GLMN: variants seen among roughly 807,000 people sequenced by gnomAD.
GLMN encodes the protein glomulin, FKBP associated protein, also known as glomulin.
GLMN carries 75 observed loss-of-function variants against 87.8 expected under a neutral mutation model. The ratio of observed to expected loss-of-function variants is 0.85; its 90% CI spans 0.71 to 1.04. GLMN has a LOEUF of 1.04. Among genes scored for constraint, GLMN ranks in the 50% least tolerant of loss-of-function variants. The probability of loss-of-function intolerance (pLI) is 0.00; values close to 1 mark genes in which losing one functional copy is unlikely to be tolerated. For synonymous variants in GLMN, 206 were observed against 221.6 expected, an observed-to-expected ratio of 0.93 and a Z score of 0.63; for missense variants, 588 against 658.8, an observed-to-expected ratio of 0.89 and a Z score of 1.18.
chr1:92,271,352 T>C, intron 8 of GLMN, 113 bp downstream of exon 8: 1 of 808,842 alleles, frequency 1.2e-6, no homozygotes, highest in South Asian at 1.4e-5. Context: ...TAGCCTTTAC[T>C]ATTTATTTAA....
chr1:92,345,113 G>C, the GLMN span, among the ~76,000 whole-genome samples: 2 of 151,920 alleles, frequency 1.3e-5, no homozygotes, highest in Non-Finnish European at 2.9e-5. Context: ...TCTCATTTCT[G>C]TAAATTATGC....
chr1:92,307,699 T>C, the GLMN span, among the ~76,000 whole-genome samples: 1 of 149,364 alleles, frequency 6.7e-6, no homozygotes, highest in Non-Finnish European at 1.5e-5. Context: ...CACTATTTTA[T>C]CAATTTAAAG....
the GLMN span, chr1:92,363,849 A>C: frequency 5.0e-6 from 1 of 199,954 alleles, no homozygotes; most frequent in Non-Finnish European, 1.1e-5. Flanking sequence ...GATCTAATAC[A>C]TATCCTTACA....
intron 7 of GLMN, among the ~76,000 whole-genome samples, chr1:92,278,062 A>C (rs758027521): frequency 1.6e-4 from 25 of 152,124 alleles, no homozygotes; most frequent in Non-Finnish European, 3.1e-4. Flanking sequence ...GAGGACACCC[A>C]ATTGGTGTCC....
chr1:92,369,405 T>TG, the GLMN span, among the ~76,000 whole-genome samples: 1 of 152,142 alleles, frequency 6.6e-6, no homozygotes, highest in African/African-American at 2.4e-5. Flanking sequence ...TTACAAGTTG[T>TG]GGGAACCGAT....
chr1:92,330,397 C>T, the GLMN span, among the ~76,000 whole-genome samples: 1 of 146,844 alleles, frequency 6.8e-6, no homozygotes, highest in Non-Finnish European at 1.5e-5. Flanking sequence ...GAAGATCACT[C>T]ATTGAACTAT....
Position 92,259,732 on chromosome 1 carries a change from CTTTTTTT to C in GLMN, c.1473+3124_1473+3130del, listed in dbSNP as rs58390058. Among the ~76,000 whole-genome samples, 376 of 108,248 alleles carry C rather than the reference CTTTTTTT, an allele frequency of 3.5e-3. 3 individuals carry two copies. The highest frequency in any genetic ancestry group is 0.012 in the African/African-American group (352 of 29,398). The allele number at this position is 108,248 out of a possible 152,430, so 71.0% of individuals were successfully genotyped here. On this transcript the variant is annotated intron_variant, in intron 16 of 18. Transcript: ENST00000370360. ...ATTTTGTTTTTTCTTTTTTTTCTTT[CTTTTTTT>C]TTTTTTTTTTTTTGAGACAGACTCT... is the stretch of plus-strand genomic sequence containing the variant.
chr1:92,301,083 G>C (rs1353475077), upstream of GLMN, among the ~76,000 whole-genome samples: 1 of 152,214 alleles, frequency 6.6e-6, no homozygotes, highest in Non-Finnish European at 1.5e-5. Flanking sequence ...TGCGTGCTAA[G>C]TAGACATTAA....
the GLMN span, among the ~76,000 whole-genome samples, chr1:92,318,469 T>C: frequency 2.6e-4 from 40 of 152,322 alleles, no homozygotes; most frequent in African/African-American, 9.1e-4. Context: ...CTGTTCTCTC[T>C]ACTATGTTTT....
At chr1:92,291,589 G>A (rs1191380470) in intron 3 of GLMN, 52 bp from the exon 4 acceptor site, 19 of 1,582,242 alleles carry the variant, frequency 1.2e-5, no homozygotes, top group Non-Finnish European at 1.7e-5. Flanking sequence ...TAGGACTCTC[G>A]CAGTGTGCTT....
intron 4 of GLMN, among the ~76,000 whole-genome samples, chr1:92,290,775 A>G (rs1402088521): frequency 6.6e-6 from 1 of 152,242 alleles, no homozygotes; most frequent in Non-Finnish European, 1.5e-5. Context: ...ACTCATACAG[A>G]TGGAGCTCTC....
chr1:92,369,232 TTTATTTACATAGAAG>T, the GLMN span, among the ~76,000 whole-genome samples: 1 of 152,206 alleles, frequency 6.6e-6, no homozygotes, highest in East Asian at 1.9e-4. Flanking sequence ...ATTACTGTTT[TTTATTTACATAGAAG>T]TTATTTGGGC....
intron 16 of GLMN, among the ~76,000 whole-genome samples, chr1:92,251,888 T>C (rs1341772914): frequency 6.6e-6 from 1 of 151,752 alleles, no homozygotes; most frequent in African/African-American, 2.4e-5. Flanking sequence ...CTCCACCTAC[T>C]GGGTTCAAGC....
intron 7 of GLMN, among the ~76,000 whole-genome samples, chr1:92,284,268 C>T (rs2101006148): frequency 6.6e-6 from 1 of 152,272 alleles, no homozygotes; most frequent in Non-Finnish European, 1.5e-5. Context: ...GGTACCGAAA[C>T]AGATATACAG....
upstream of GLMN, among the ~76,000 whole-genome samples, chr1:92,302,590 ATTTTTTTTTT>A (rs36067595): frequency 5.4e-4 from 40 of 74,338 alleles, no homozygotes; most frequent in Non-Finnish European, 6.9e-4. Flanking sequence ...TCCGCATTAA[ATTTTTTTTTT>A]TTTTTTTTTT....
At chr1:92,300,157 T>C (rs754972425), upstream of GLMN, 4 of 1,479,008 alleles carry the variant, frequency 2.7e-6, no homozygotes, top group Non-Finnish European at 3.8e-6. Context: ...TTTACGGAAA[T>C]GTCATTATGT....
At chr1:92,292,586 CTTT>C (rs1161512049) in intron 3 of GLMN, among the ~76,000 whole-genome samples, 2 of 125,362 alleles carry the variant, frequency 1.6e-5, no homozygotes, top group East Asian at 2.4e-4. Flanking sequence ...AATTTTTTGC[CTTT>C]TTTTTTTTTT....
rs200719668 is a variant in GLMN, at chr1:92,248,008, T to A, written c.1474-19A>T. Reference sequence around the variant, plus strand: ...ATCCAGTCTGTTAAGAATGAAAGAATGAGTTATTTAGTTCAACAATGATTG... The same window carrying A: ...ATCCAGTCTGTTAAGAATGAAAGAAAGAGTTATTTAGTTCAACAATGATTG... On this transcript the variant is annotated intron_variant, in intron 16 of 18. Transcript: ENST00000370360. The A allele has an allele frequency of 1.9e-5, 18 of 969,502 alleles. No individual in the cohort carries two copies. The highest frequency in any genetic ancestry group is 2.1e-4 in the Middle Eastern group (1 of 4,812). 60.1% of individuals were successfully genotyped at this position (969,502 alleles called of 1,614,324 possible).
the GLMN span, among the ~76,000 whole-genome samples, chr1:92,337,965 T>C: frequency 2.6e-5 from 4 of 152,216 alleles, no homozygotes; most frequent in African/African-American, 4.8e-5. Context: ...TCCCAAGATA[T>C]GTTCTTGAGA....
Sources: gnomAD v4.1 joint callset for allele counts (sites outside exome capture counted in the v4.1 genomes callset) on GRCh38, gnomAD v4.1.1 for gene constraint, MANE v1.5 for transcripts, NCBI Gene and HGNC (gene_info 2026-07-23, HGNC 2026-07-21) for gene names.